OXCT1: variants seen among roughly 807,000 people sequenced by gnomAD.
OXCT1 encodes succinyl-CoA:3-ketoacid coenzyme A transferase 1, mitochondrial.
In OXCT1, 27 loss-of-function variants were observed where a neutral mutation model predicts 69.6. The ratio of observed to expected loss-of-function variants is 0.39; its 90% CI spans 0.29 to 0.54. The LOEUF is 0.54. Among genes scored for constraint, OXCT1 ranks in the 20% least tolerant of loss-of-function variants. The probability of loss-of-function intolerance (pLI) is 0.72; values close to 1 mark genes in which losing one functional copy is unlikely to be tolerated. For missense variants in OXCT1, 437 were observed against 650.2 expected (o/e 0.67, Z 3.57); for synonymous variants, 202 against 217.8 (o/e 0.93, Z 0.64).
chr5:41,735,790 A>C (rs890005684), intron 16 of OXCT1, among the ~76,000 whole-genome samples: 17 of 152,272 alleles, frequency 1.1e-4, no homozygotes, highest in African/African-American at 4.1e-4. Context: ...GATGTAATTA[A>C]ATGATTATTT....
intron 13 of OXCT1, among the ~76,000 whole-genome samples, chr5:41,791,991 G>A (rs1745945633): frequency 6.6e-6 from 1 of 152,036 alleles, no homozygotes; most frequent in Non-Finnish European, 1.5e-5. Flanking sequence ...TTTTAGCAGA[G>A]ACGAGGTTTC....
intron 2 of OXCT1, among the ~76,000 whole-genome samples, chr5:41,861,693 T>C (rs1244831619): frequency 6.6e-6 from 1 of 152,204 alleles, no homozygotes; most frequent in Non-Finnish European, 1.5e-5. Context: ...TAACTATATA[T>C]CTATTGTTTT....
chr5:41,805,532 A>G, intron 9 of OXCT1, 35 bp downstream of exon 9: 2 of 1,384,238 alleles, frequency 1.4e-6, no homozygotes, highest in Non-Finnish European at 2.1e-6. Context: ...AGCAAAGGCT[A>G]TGTCTTTGCC....
At chr5:41,810,345 G>A (rs1746906112) in intron 7 of OXCT1, among the ~76,000 whole-genome samples, 1 of 152,040 alleles carries the variant, frequency 6.6e-6, no homozygotes, top group South Asian at 2.1e-4. Context: ...CCTGAAGTTA[G>A]AAATGGGTAA....
intron 15 of OXCT1, among the ~76,000 whole-genome samples, chr5:41,747,336 T>C (rs1743546593): frequency 6.6e-6 from 1 of 152,138 alleles, no homozygotes; most frequent in Non-Finnish European, 1.5e-5. Flanking sequence ...AAGGTCCTTG[T>C]TGGCTTTCTA....
intron 7 of OXCT1, 69 bp downstream of exon 7, chr5:41,840,381 CT>C: frequency 1.7e-6 from 2 of 1,181,618 alleles, no homozygotes; most frequent in Non-Finnish European, 2.5e-6. Flanking sequence ...AACTGTGGTA[CT>C]TTTTCTTGAA....
At chr5:41,869,829 G>A (rs1750196992) in intron 1 of OXCT1, among the ~76,000 whole-genome samples, 1 of 152,120 alleles carries the variant, frequency 6.6e-6, no homozygotes, top group Non-Finnish European at 1.5e-5. Flanking sequence ...GGCCTCTAGA[G>A]GTTCCTCTGC....
chr5:41,847,561 A>G (rs1748979136), intron 5 of OXCT1, among the ~76,000 whole-genome samples: 1 of 151,614 alleles, frequency 6.6e-6, no homozygotes, highest in African/African-American at 2.4e-5. Flanking sequence ...ATCCAGCAGC[A>G]CATCAAAAAG....
intron 15 of OXCT1, among the ~76,000 whole-genome samples, chr5:41,743,611 A>G (rs1743307308): frequency 1.3e-5 from 2 of 152,172 alleles, no homozygotes; most frequent in Non-Finnish European, 2.9e-5. Flanking sequence ...TTATGGTTTT[A>G]GGTCTAACAT....
Position 41,870,103 on chromosome 5 carries a change from G to C in OXCT1, c.78+178C>G. ...CAGAACCAAGCAAAGGCGGTCATCC[G>C]AGGGGCCGGCGAGGCCAGGAACGCG... On this transcript the variant is annotated intron_variant, in intron 1 of 16. Coordinates refer to ENST00000196371, the MANE Select transcript of OXCT1 (RefSeq NM_000436.4). This position sits in a 1 kb window ranked among gnomAD's most constrained non-coding sequence, Gnocchi z 4.2. The C allele has an allele frequency of 1.5e-6, 1 of 673,002 alleles. No homozygotes were observed. Among genetic ancestry groups the C allele is most frequent in the Non-Finnish European group, 2.7e-6 (1 of 368,730 alleles). 41.7% of individuals were successfully genotyped at this position (673,002 alleles called of 1,614,324 possible).
At chr5:41,841,994 C>T (rs1748648293) in intron 6 of OXCT1, among the ~76,000 whole-genome samples, 1 of 152,134 alleles carries the variant, frequency 6.6e-6, no homozygotes, top group Admixed American at 6.5e-5. Context: ...TTTCTGTAAT[C>T]TGATAGGTAA....
chr5:41,769,702 C>A (rs1464815892), intron 13 of OXCT1, among the ~76,000 whole-genome samples: 1 of 151,954 alleles, frequency 6.6e-6, no homozygotes. Context: ...ACCTGGTCGA[C>A]AGAGAGAAAC....
intron 13 of OXCT1, among the ~76,000 whole-genome samples, chr5:41,765,041 C>T (rs897956282): frequency 2.6e-5 from 4 of 152,080 alleles, no homozygotes; most frequent in Non-Finnish European, 5.9e-5. Flanking sequence ...CAGTCCATTA[C>T]TAAAAAGAAG....
In OXCT1 at chr5:41,854,610, T is replaced by G. The variant is rs551397786; in HGVS notation, c.279-1056A>C. Among the ~76,000 whole-genome samples the G allele has an allele frequency of 4.6e-5, 7 of 152,274 alleles. No individual in the cohort carries two copies. In the East Asian group the frequency reaches 7.7e-4, roughly 17 times the overall value. ...AAATTTTTTAATGACAAAATTTTTT[T>G]TTAATGGTGAAATATTTTTAATGGC... On this transcript the variant is annotated intron_variant, in intron 3 of 16. Transcript: ENST00000196371.
At chr5:41,860,160 C>T (rs1344980714) in intron 3 of OXCT1, among the ~76,000 whole-genome samples, 1 of 151,954 alleles carries the variant, frequency 6.6e-6, no homozygotes, top group Non-Finnish European at 1.5e-5. Flanking sequence ...TCTCTATTTT[C>T]AGACGATCTG....
chr5:41,818,959 T>A (rs1747392294), intron 7 of OXCT1, among the ~76,000 whole-genome samples: 1 of 152,088 alleles, frequency 6.6e-6, no homozygotes, highest in East Asian at 1.9e-4. Context: ...AGCAACTAAT[T>A]TTTCAAATGA....
chr5:41,750,812 T>C (rs1743742603), intron 14 of OXCT1, among the ~76,000 whole-genome samples: 1 of 152,104 alleles, frequency 6.6e-6, no homozygotes, highest in Admixed American at 6.6e-5. Context: ...TTTAATGTAC[T>C]TAAGCCAGTT....
At chr5:41,743,694 A>G (rs1743312959) in intron 15 of OXCT1, among the ~76,000 whole-genome samples, 1 of 152,208 alleles carries the variant, frequency 6.6e-6, no homozygotes, top group Non-Finnish European at 1.5e-5. Flanking sequence ...AGCTTTCTAC[A>G]TATGGCTAGC....
chr5:41,825,523 T>C (rs1396378209), intron 7 of OXCT1, among the ~76,000 whole-genome samples: 1 of 152,218 alleles, frequency 6.6e-6, no homozygotes, highest in Non-Finnish European at 1.5e-5. Flanking sequence ...AAAGCTATCA[T>C]AAGGAAGAAA....
Sources: allele counts gnomAD v4.1 joint callset (sites outside exome capture counted in the v4.1 genomes callset), GRCh38; gene constraint gnomAD v4.1.1; non-coding constraint Gnocchi (gnomAD v3.1); transcripts MANE v1.5; gene names NCBI Gene and HGNC (gene_info 2026-07-23, HGNC 2026-07-21).